CA10: variants seen among roughly 807,000 people sequenced by gnomAD.
CA10 encodes the protein carbonic anhydrase-related protein 10.
CA10 carries 14 observed loss-of-function variants against 44.2 expected under a neutral mutation model. The observed-to-expected ratio is 0.32, with a 90% CI of 0.21 to 0.50. The LOEUF (loss-of-function observed/expected upper bound fraction) is 0.50. Ranked by LOEUF, CA10 falls within the 20% of genes least tolerant of loss-of-function variation. The probability of loss-of-function intolerance (pLI) is 0.99; values close to 1 mark genes in which losing one functional copy is unlikely to be tolerated. For missense variants in CA10, 350 were observed against 409.7 expected, an observed-to-expected ratio of 0.85 and a Z score of 1.26; for synonymous variants, 159 against 141.6, an observed-to-expected ratio of 1.12 and a Z score of -0.87.
chr17:51,922,028 GT>G (rs1982254644), intron 3 of CA10, among the ~76,000 whole-genome samples: 1 of 152,088 alleles, frequency 6.6e-6, no homozygotes, highest in South Asian at 2.1e-4. Context: ...TGGGAGTTAT[GT>G]TTTCTTGCTG....
intron 3 of CA10, among the ~76,000 whole-genome samples, chr17:51,901,100 G>A (rs1167491818): frequency 6.6e-6 from 1 of 152,220 alleles, no homozygotes; most frequent in African/African-American, 2.4e-5. Flanking sequence ...TTTTTGATTT[G>A]CCAGAGTTCT....
chr17:51,695,258 A>G (rs1412374116), intron 4 of CA10, among the ~76,000 whole-genome samples: 3 of 152,134 alleles, frequency 2.0e-5, no homozygotes, highest in African/African-American at 7.2e-5. Flanking sequence ...TGGCCATTTT[A>G]ACAATATTGA....
chr17:51,786,345 A>G (rs1330059743), intron 3 of CA10, among the ~76,000 whole-genome samples: 1 of 152,076 alleles, frequency 6.6e-6, no homozygotes, highest in Admixed American at 6.6e-5. Context: ...TGAGCTTAGG[A>G]GTTCAAGGCC....
intron 4 of CA10, among the ~76,000 whole-genome samples, chr17:51,726,188 C>T (rs145074009): frequency 6.6e-6 from 1 of 152,186 alleles, no homozygotes; most frequent in Non-Finnish European, 1.5e-5. Context: ...TACTCATTCT[C>T]TGTTTATGTA....
intron 2 of CA10, among the ~76,000 whole-genome samples, chr17:51,945,857 C>T (rs1983253898): frequency 6.6e-6 from 1 of 152,080 alleles, no homozygotes; most frequent in Non-Finnish European, 1.5e-5. Context: ...CTGAACTGCT[C>T]ATTGGTACTT....
At chr17:51,969,655 C>T (rs556980782) in intron 2 of CA10, among the ~76,000 whole-genome samples, 1 of 152,026 alleles carries the variant, frequency 6.6e-6, no homozygotes, top group East Asian at 1.9e-4. Flanking sequence ...GCTACATATT[C>T]ATATTTCCAC....
At chr17:51,763,161 C>T (rs557464291) in intron 3 of CA10, 8 of 152,328 alleles carry the variant, frequency 5.3e-5, no homozygotes, top group Admixed American at 5.2e-4. Context: ...ATCAATATCT[C>T]AGAAATATGT....
At chr17:51,725,094 C>A (rs371762400) in intron 4 of CA10, among the ~76,000 whole-genome samples, 2 of 152,208 alleles carry the variant, frequency 1.3e-5, no homozygotes, top group East Asian at 3.8e-4. Flanking sequence ...TAAGGCCACA[C>A]AATCAGTAAA....
chr17:52,100,886 G>A (rs1238867773), intron 1 of CA10, among the ~76,000 whole-genome samples: 1 of 152,144 alleles, frequency 6.6e-6, no homozygotes, highest in Non-Finnish European at 1.5e-5. Context: ...TATAGCTTTG[G>A]TAGGCTTTTT....
At chr17:51,776,574 CAACTT>C (rs1905829299) in intron 3 of CA10, among the ~76,000 whole-genome samples, 1 of 152,128 alleles carries the variant, frequency 6.6e-6, no homozygotes, top group Non-Finnish European at 1.5e-5. Context: ...CAGCACATCT[CAACTT>C]GAGTACCAGA....
At chr17:51,734,042 G>GCATCA (rs1567821275) in intron 4 of CA10, among the ~76,000 whole-genome samples, 1 of 18,978 alleles carries the variant, frequency 5.3e-5, no homozygotes, top group East Asian at 2.5e-3. Flanking sequence ...GTTCAATATT[G>GCATCA]CGACAAGAAA....
intron 3 of CA10, among the ~76,000 whole-genome samples, chr17:51,852,252 G>C (rs1303358905): frequency 6.6e-6 from 1 of 152,106 alleles, no homozygotes; most frequent in Non-Finnish European, 1.5e-5. Flanking sequence ...GCCCAGTTCC[G>C]TTCAAAGAGA....
chr17:52,096,831 T>C lies in CA10; in HGVS notation c.62-24438A>G, dbSNP rs114420564. ...TCCAAAGTCTTCACATAATATGCTA[T>C]GAGGTATCATTAAAGTTATAGAAAA... On this transcript the variant is annotated intron_variant, in intron 1 of 8. Coordinates refer to ENST00000451037, the MANE Select transcript of CA10 (RefSeq NM_020178.5). 3.1e-3 allele frequency among the ~76,000 whole-genome samples: 472 copies of C among 152,376 alleles called. 1 individual carries two copies. The Middle Eastern group carries it at 0.041, about 13-fold the overall frequency.
intron 4 of CA10, among the ~76,000 whole-genome samples, chr17:51,699,812 C>T (rs1255951665): frequency 6.6e-6 from 1 of 152,168 alleles, no homozygotes; most frequent in Non-Finnish European, 1.5e-5. Flanking sequence ...GGGTATCAAT[C>T]TCTTTATGAG....
At chr17:51,735,452 T>C (rs1295262230) in intron 4 of CA10, among the ~76,000 whole-genome samples, 2 of 152,108 alleles carry the variant, frequency 1.3e-5, no homozygotes, top group Non-Finnish European at 2.9e-5. Flanking sequence ...ACCTGGGTGA[T>C]GGGATCATCT....
At chr17:52,042,421 G>A (rs1452317390) in intron 2 of CA10, among the ~76,000 whole-genome samples, 1 of 151,744 alleles carries the variant, frequency 6.6e-6, no homozygotes, top group East Asian at 1.9e-4. Flanking sequence ...TAGATCATTT[G>A]CACAATTTTA....
chr17:51,887,492 T>G (rs11650453), intron 3 of CA10, among the ~76,000 whole-genome samples: 21,440 of 152,184 alleles, frequency 0.14, 2,483 homozygotes, highest in African/African-American at 0.32. Flanking sequence ...AGAGTTATAT[T>G]ATGGGAACAG....
intron 2 of CA10, among the ~76,000 whole-genome samples, chr17:52,057,602 T>G (rs1226765169): frequency 4.6e-5 from 7 of 152,070 alleles, no homozygotes; most frequent in Non-Finnish European, 7.4e-5. Flanking sequence ...TTTGGCGGCA[T>G]GGGGGTCAGC....
At chr17:52,095,437 T>C (rs1343936603) in intron 1 of CA10, among the ~76,000 whole-genome samples, 5 of 152,120 alleles carry the variant, frequency 3.3e-5, no homozygotes, top group Admixed American at 3.3e-4. Context: ...TTAATTCATC[T>C]GTACAATTAA....
Sources: gnomAD v4.1 joint callset for allele counts (sites outside exome capture counted in the v4.1 genomes callset) on GRCh38, gnomAD v4.1.1 for gene constraint, MANE v1.5 for transcripts, NCBI Gene and HGNC (gene_info 2026-07-23, HGNC 2026-07-21) for gene names.